CSMD1: variants seen among roughly 807,000 people sequenced by gnomAD.
The protein encoded by CSMD1 is CUB and Sushi multiple domains 1, also known as CUB and sushi domain-containing protein 1.
In CSMD1, 213 loss-of-function variants were observed where a neutral mutation model predicts 417.5. The ratio of observed to expected loss-of-function variants is 0.51; its 90% CI spans 0.46 to 0.57. The LOEUF (loss-of-function observed/expected upper bound fraction) is 0.57. Ranked by LOEUF, CSMD1 falls within the 20% of genes least tolerant of loss-of-function variation. CSMD1 has a pLI of 0.00. For missense variants in CSMD1, 6,923 were observed against 4,529.7 expected (o/e 1.53, Z -15.17); for synonymous variants, 2,862 against 1,736.8 (o/e 1.65, Z -16.11).
intron 1 of CSMD1, among the ~76,000 whole-genome samples, chr8:4,854,642 AAG>A (rs1477889004): frequency 6.6e-6 from 1 of 152,156 alleles, no homozygotes; most frequent in African/African-American, 2.4e-5. Context: ...GAGTCAAAGA[AAG>A]GGGTGACGGA....
At chr8:4,419,565 T>G (rs558217888) in intron 3 of CSMD1, among the ~76,000 whole-genome samples, 14 of 152,178 alleles carry the variant, frequency 9.2e-5, no homozygotes, top group Non-Finnish European at 1.8e-4. Flanking sequence ...TTTAATGAAA[T>G]TTCCTTTACT....
intron 13 of CSMD1, among the ~76,000 whole-genome samples, chr8:3,408,790 T>A (rs149599840): frequency 1.6e-3 from 238 of 152,166 alleles, no homozygotes; most frequent in African/African-American, 4.9e-3. Context: ...GTACTTAAAA[T>A]CATATATATT....
intron 3 of CSMD1, among the ~76,000 whole-genome samples, chr8:4,152,932 C>A (rs971194279): frequency 6.6e-5 from 10 of 152,064 alleles, no homozygotes; most frequent in African/African-American, 2.4e-4. Context: ...TATACTCTAT[C>A]CTCTTCTCAA....
chr8:3,618,157 G>A (rs775321285), intron 7 of CSMD1, among the ~76,000 whole-genome samples: 6 of 151,832 alleles, frequency 4.0e-5, no homozygotes, highest in African/African-American at 1.2e-4. Flanking sequence ...TTGTGCCACC[G>A]TGCCCAGATA....
chr8:3,644,317 C>A (rs1402022485), intron 7 of CSMD1, among the ~76,000 whole-genome samples: 1 of 152,178 alleles, frequency 6.6e-6, no homozygotes, highest in Non-Finnish European at 1.5e-5. Context: ...TTGCTGAAAG[C>A]ATAGGTCTTA....
At chr8:4,244,009 G>T (rs1005619445) in intron 3 of CSMD1, among the ~76,000 whole-genome samples, 1 of 152,190 alleles carries the variant, frequency 6.6e-6, no homozygotes, top group African/African-American at 2.4e-5. Context: ...CCATGGAGTG[G>T]GAAGCTGCAT....
intron 2 of CSMD1, among the ~76,000 whole-genome samples, chr8:4,501,843 G>A (rs758844886): frequency 6.6e-6 from 1 of 152,040 alleles, no homozygotes; most frequent in Non-Finnish European, 1.5e-5. Flanking sequence ...TTTATCAGAG[G>A]TATGTCTGTA....
intron 18 of CSMD1, among the ~76,000 whole-genome samples, chr8:3,385,025 A>AAC (rs1554533586): frequency 3.5e-5 from 4 of 113,038 alleles, no homozygotes; most frequent in South Asian, 2.4e-4. Context: ...ATAATATATA[A>AAC]ATATAATATA....
intron 1 of CSMD1, among the ~76,000 whole-genome samples, chr8:4,907,054 T>C (rs1038347541): frequency 6.6e-6 from 1 of 152,194 alleles, no homozygotes; most frequent in Non-Finnish European, 1.5e-5. Flanking sequence ...AACATAACAG[T>C]GAGAGAATGT....
At chr8:3,957,185 G>A (rs1390692501) in intron 5 of CSMD1, among the ~76,000 whole-genome samples, 3 of 152,238 alleles carry the variant, frequency 2.0e-5, no homozygotes, top group East Asian at 3.9e-4. Flanking sequence ...TGATGTAACT[G>A]CAGAACTAAA....
At chr8:3,918,815 G>A (rs1038462662) in intron 5 of CSMD1, among the ~76,000 whole-genome samples, 3 of 152,054 alleles carry the variant, frequency 2.0e-5, no homozygotes, top group Admixed American at 6.6e-5. Flanking sequence ...TCATAAATGG[G>A]AGCCAAACTA....
At position 3,014,384 on chromosome 8, in the gene CSMD1, T is replaced by C. The variant is rs1049511658; in HGVS notation, c.8029+4093A>G. On this transcript the variant is annotated intron_variant, in intron 52 of 69. Coordinates refer to ENST00000635120, the MANE Select transcript of CSMD1 (RefSeq NM_033225.6). ...CTCTATATATCATCAAGTCAATTTA[T>C]GGTTTTTGATAGCTAGCTTCTTTTC... is the stretch of plus-strand genomic sequence containing the variant. Among the ~76,000 whole-genome samples the C allele has an allele frequency of 6.6e-5, 10 of 152,334 alleles. No individual in the cohort carries two copies. In the South Asian group the frequency reaches 1.4e-3, roughly 22 times the overall value.
chr8:3,273,755 A>G (rs1802056332), intron 26 of CSMD1, among the ~76,000 whole-genome samples: 1 of 151,308 alleles, frequency 6.6e-6, no homozygotes, highest in Admixed American at 6.6e-5. Flanking sequence ...GGCAGTTCGT[A>G]TTTCTGTGGG....
At chr8:3,781,071 G>A (rs1167077289) in intron 5 of CSMD1, among the ~76,000 whole-genome samples, 1 of 152,174 alleles carries the variant, frequency 6.6e-6, no homozygotes, top group African/African-American at 2.4e-5. Flanking sequence ...ATAGTTGAAA[G>A]CCTGTTATGA....
At chr8:3,991,327 G>C (rs938544365) in intron 5 of CSMD1, among the ~76,000 whole-genome samples, 3 of 152,146 alleles carry the variant, frequency 2.0e-5, no homozygotes, top group East Asian at 1.9e-4. Flanking sequence ...CTAGGTTGTG[G>C]CGTAGTCTGG....
At chr8:4,836,523 A>G (rs1186814063) in intron 1 of CSMD1, among the ~76,000 whole-genome samples, 1 of 152,218 alleles carries the variant, frequency 6.6e-6, no homozygotes, top group Non-Finnish European at 1.5e-5. Context: ...TGCTAATTGT[A>G]ATAAATAATG....
chr8:4,171,874 C>G (rs1411862439), intron 3 of CSMD1, among the ~76,000 whole-genome samples: 1 of 152,084 alleles, frequency 6.6e-6, no homozygotes, highest in South Asian at 2.1e-4. Flanking sequence ...TTACTTACAT[C>G]AAATACTTGA....
chr8:4,989,560 G>A (rs1297680048), intron 1 of CSMD1, among the ~76,000 whole-genome samples: 2 of 152,090 alleles, frequency 1.3e-5, no homozygotes, highest in Admixed American at 6.5e-5. Context: ...GTGCAACTAC[G>A]CATGCAACTT....
intron 1 of CSMD1, among the ~76,000 whole-genome samples, chr8:4,757,833 C>G (rs929152078): frequency 2.0e-5 from 3 of 151,654 alleles, no homozygotes; most frequent in African/African-American, 4.8e-5. Context: ...GTGGCGCACA[C>G]CTGTAATCCC....
Sources: allele counts gnomAD v4.1 joint callset (sites outside exome capture counted in the v4.1 genomes callset), GRCh38; gene constraint gnomAD v4.1.1; transcripts MANE v1.5; gene names NCBI Gene and HGNC (gene_info 2026-07-23, HGNC 2026-07-21).